Variants in PDILT observed in about 807,000 individuals in gnomAD.
The protein encoded by PDILT is protein disulfide-isomerase-like protein of the testis.
In PDILT, 43 loss-of-function variants were observed where a neutral mutation model predicts 53.7. That is an observed-to-expected ratio of 0.80 (90% confidence interval 0.63 to 1.03). The LOEUF is 1.03. Among genes scored for constraint, PDILT ranks in the 50% least tolerant of loss-of-function variants. The probability of loss-of-function intolerance (pLI) is 0.00; values close to 1 mark genes in which losing one functional copy is unlikely to be tolerated. For synonymous variants in PDILT, 282 were observed against 274.2 expected (o/e 1.03, Z -0.28); for missense variants, 727 against 712.3 (o/e 1.02, Z -0.24).
intron 2 of PDILT, among the ~76,000 whole-genome samples, chr16:20,393,454 T>C (rs1388280641): frequency 6.6e-6 from 1 of 152,160 alleles, no homozygotes; most frequent in Non-Finnish European, 1.5e-5. Flanking sequence ...CAATATTGGA[T>C]GGAGGCAAAA....
intron 3 of PDILT, among the ~76,000 whole-genome samples, chr16:20,380,538 A>G (rs998093335): frequency 3.3e-5 from 5 of 152,098 alleles, no homozygotes; most frequent in African/African-American, 9.7e-5. Flanking sequence ...GGGTTTCACC[A>G]TCTTGGCCAA....
In PDILT at chr16:20,362,322, G is replaced by A. The variant is rs952373712; in HGVS notation, c.1416+82C>T. ...GAATAAAACTGGTTTGGTAGAAAGCGCAGCTGGTGGTAGGGAGAAACTGAG... is the reference window on the plus strand; with the variant it reads ...GAATAAAACTGGTTTGGTAGAAAGCACAGCTGGTGGTAGGGAGAAACTGAG... On this transcript the variant is annotated intron_variant, in intron 10 of 11. Coordinates refer to ENST00000302451, the MANE Select transcript of PDILT (RefSeq NM_174924.2). 54 of 1,442,804 alleles carry A rather than the reference G, an allele frequency of 3.7e-5. 1 individual carries two copies. Among genetic ancestry groups the A allele is most frequent in the African/African-American group, 9.9e-5 (7 of 70,948 alleles). The allele number at this position is 1,442,804 out of a possible 1,614,324, so 89.4% of individuals were successfully genotyped here.
chr16:20,378,539 C>G (rs1269013165), intron 3 of PDILT, among the ~76,000 whole-genome samples: 2 of 152,096 alleles, frequency 1.3e-5, no homozygotes, highest in Admixed American at 6.5e-5. Context: ...CTTTGCTGTA[C>G]CTATCAACCC....
intron 3 of PDILT, among the ~76,000 whole-genome samples, chr16:20,377,372 C>A (rs529091833): frequency 6.6e-6 from 1 of 152,324 alleles, no homozygotes; most frequent in East Asian, 1.9e-4. Flanking sequence ...TCATTTATTT[C>A]TTCCCTCATT....
chr16:20,396,577 A>G (rs569359192), intron 2 of PDILT, among the ~76,000 whole-genome samples: 14 of 152,322 alleles, frequency 9.2e-5, no homozygotes, highest in Admixed American at 6.5e-4. Context: ...TCCCTCGTGC[A>G]CTCAAAGACA....
At chr16:20,368,050 G>A (rs1377695106) in intron 8 of PDILT, among the ~76,000 whole-genome samples, 1 of 152,192 alleles carries the variant, frequency 6.6e-6, no homozygotes, top group African/African-American at 2.4e-5. Flanking sequence ...ATGGGATCAG[G>A]AGGGTGAGGG....
intron 3 of PDILT, among the ~76,000 whole-genome samples, chr16:20,377,333 C>T (rs960280939): frequency 6.6e-6 from 1 of 152,180 alleles, no homozygotes; most frequent in African/African-American, 2.4e-5. Context: ...CTTTGAACTA[C>T]ATCCACAGAC....
chr16:20,381,894 T>C (rs1169377693), intron 3 of PDILT, among the ~76,000 whole-genome samples: 5 of 152,092 alleles, frequency 3.3e-5, no homozygotes, highest in African/African-American at 4.8e-5. Context: ...CTAAAACTTT[T>C]ATTATTATTA....
At chr16:20,396,305 A>G (rs1966662389) in intron 2 of PDILT, among the ~76,000 whole-genome samples, 1 of 152,204 alleles carries the variant, frequency 6.6e-6, no homozygotes, top group South Asian at 2.1e-4. Flanking sequence ...ATCCCAATAT[A>G]TGTTACACCA....
At chr16:20,400,305 C>T (rs563635080) in intron 1 of PDILT, among the ~76,000 whole-genome samples, 3 of 152,102 alleles carry the variant, frequency 2.0e-5, no homozygotes, top group East Asian at 3.9e-4. Flanking sequence ...GAACTCCTGA[C>T]CTCAAGTGAT....
At chr16:20,393,434 C>G (rs1966628699) in intron 2 of PDILT, among the ~76,000 whole-genome samples, 1 of 152,186 alleles carries the variant, frequency 6.6e-6, no homozygotes, top group Admixed American at 6.5e-5. Context: ...CTTCAAGCAA[C>G]ACGCATGTTC....
chr16:20,372,910 G>A lies in PDILT; in HGVS notation c.810C>T (p.Ser270=), dbSNP rs369987602. The change falls in exon 7 of 12, where the codon TCC becomes TCT. Residue 270 remains serine, a synonymous_variant. Transcript: ENST00000302451. The stretch of plus-strand genomic sequence containing the variant: ...GCATGTGACTCATGATGTGCAACTC[G>A]GAAATCAGATCCTTATTCTGAAATG... ...EYNTENKDLI[S]ELHIMSHMLL... 4.5e-5 allele frequency: 72 copies of A among 1,614,012 alleles called. No homozygotes were observed. The highest frequency in any genetic ancestry group is 1.3e-4 in the Admixed American group (8 of 60,014).
intron 2 of PDILT, among the ~76,000 whole-genome samples, chr16:20,396,527 A>G (rs940882337): frequency 6.6e-6 from 1 of 152,204 alleles, no homozygotes; most frequent in African/African-American, 2.4e-5. Context: ...ACTTCAAGGC[A>G]AACTTCAAGC....
Position 20,362,522 on chromosome 16 carries a change from T to G in PDILT, c.1298A>C (p.Lys433Thr). Reference sequence around the variant, plus strand: ...GATAATTGTGGAGTGGTTTTGATATTTTCTGCCCAATTCCTCCAACAGTGG... The same window carrying G: ...GATAATTGTGGAGTGGTTTTGATATGTTCTGCCCAATTCCTCCAACAGTGG... The part of the protein sequence containing the change: ...LFPLLEELGR[K>T]YQNHSTIIIA... The change falls in exon 10 of 12, where the codon AAA (lysine) becomes ACA (threonine). Residue 433 changes from lysine (K) to threonine (T), a missense_variant. By Grantham distance (78) the Lys-to-Thr change is moderately conservative. Transcript: ENST00000302451. 6.2e-7 allele frequency: 1 copy of G among 1,614,146 alleles called. No homozygotes were observed. The highest frequency in any genetic ancestry group is 8.5e-7 in the Non-Finnish European group (1 of 1,180,032).
intron 3 of PDILT, among the ~76,000 whole-genome samples, chr16:20,379,900 C>T (rs1460757397): frequency 6.6e-6 from 1 of 152,140 alleles, no homozygotes; most frequent in African/African-American, 2.4e-5. Flanking sequence ...ATATCAGCCT[C>T]AACACTGAGT....
chr16:20,400,657 CA>C (rs1469138299), intron 1 of PDILT, among the ~76,000 whole-genome samples: 1 of 152,036 alleles, frequency 6.6e-6, no homozygotes, highest in Admixed American at 6.5e-5. Flanking sequence ...AGAGATGGTA[CA>C]AGGTACCCCC....
chr16:20,391,808 C>T (rs1966609700), intron 2 of PDILT, among the ~76,000 whole-genome samples: 1 of 151,848 alleles, frequency 6.6e-6, no homozygotes, highest in Admixed American at 6.6e-5. Flanking sequence ...GAAGGCCTCC[C>T]AGCCAGACTA....
At chr16:20,379,447 T>A (rs1966430330) in intron 3 of PDILT, among the ~76,000 whole-genome samples, 1 of 152,128 alleles carries the variant, frequency 6.6e-6, no homozygotes, top group South Asian at 2.1e-4. Context: ...ATTACAGGCA[T>A]GAGCCACCAC....
intron 3 of PDILT, among the ~76,000 whole-genome samples, chr16:20,382,330 T>A (rs1288398284): frequency 6.6e-6 from 1 of 152,234 alleles, no homozygotes; most frequent in East Asian, 1.9e-4. Flanking sequence ...GATTTCAACA[T>A]ACTATAGCCT....
Sources: gnomAD v4.1 joint callset for allele counts (sites outside exome capture counted in the v4.1 genomes callset) on GRCh38, gnomAD v4.1.1 for gene constraint, MANE v1.5 for transcripts, NCBI Gene and HGNC (gene_info 2026-07-23, HGNC 2026-07-21) for gene names.